Variants in LETMD1 observed in about 807,000 individuals in gnomAD.
The protein encoded by LETMD1 is LETM1 domain containing 1.
In LETMD1, 30 loss-of-function variants were observed where a neutral mutation model predicts 43.9. That is an observed-to-expected ratio of 0.68 (90% CI 0.51 to 0.93). The LOEUF (loss-of-function observed/expected upper bound fraction) is 0.93. Ranked by LOEUF, LETMD1 falls within the 40% of genes least tolerant of loss-of-function variation. The pLI is 0.00. For missense variants in LETMD1, 413 were observed against 447.7 expected (o/e 0.92, Z 0.70); for synonymous variants, 176 against 163.1 (o/e 1.08, Z -0.60).
intron 7 of LETMD1, 199 bp downstream of exon 7, chr12:51,056,701 C>T (rs1947842770): frequency 8.7e-6 from 4 of 457,678 alleles, no homozygotes; most frequent in Non-Finnish European, 1.5e-5. Context: ...GTTGCCCAGG[C>T]TAGAGTACAG....
chr12:51,068,586 C>G, the LETMD1 span, among the ~76,000 whole-genome samples: 1 of 152,196 alleles, frequency 6.6e-6, no homozygotes, highest in East Asian at 1.9e-4. Flanking sequence ...AAAAACCCGT[C>G]TCATCTTCCC....
At chr12:51,063,112 G>C (rs951333157), downstream of LETMD1, 1 of 152,182 alleles carries the variant, frequency 6.6e-6, no homozygotes, top group South Asian at 2.1e-4. Flanking sequence ...TCAAGTTACA[G>C]ACCAGGAATC....
downstream of LETMD1, among the ~76,000 whole-genome samples, chr12:51,060,764 T>C (rs1948787768): frequency 6.6e-6 from 1 of 151,788 alleles, no homozygotes; most frequent in Non-Finnish European, 1.5e-5. Flanking sequence ...TAGCCAGGCG[T>C]GGTGGTGGGC....
downstream of LETMD1, chr12:51,064,134 C>T (rs778310222): frequency 8.7e-6 from 14 of 1,614,186 alleles, no homozygotes; most frequent in South Asian, 1.5e-4. Context: ...GACCAGGGGC[C>T]CACTGTTCAA....
chr12:51,052,382 A>G, intron 3 of LETMD1, 175 bp downstream of exon 3: 3 of 691,576 alleles, frequency 4.3e-6, no homozygotes, highest in Non-Finnish European at 7.0e-6. Context: ...AATTGGGTTC[A>G]TCCAGAGTTG....
rs779415368 is a variant in LETMD1 at position 51,052,156 on chromosome 12, C to A, written c.339C>A (p.His113Gln). 6.8e-6 allele frequency: 11 copies of A among 1,613,738 alleles called. No homozygotes were observed. The Middle Eastern group carries it at 4.9e-4, about 73-fold the overall frequency. Reference sequence around the variant, plus strand: ...GAATAAAGACAAATATGTGGAAGCACAATATAAAGTTTCATCAACTTCCAT... The same window carrying A: ...GAATAAAGACAAATATGTGGAAGCAAAATATAAAGTTTCATCAACTTCCAT... ...ARRIKTNMWK[H>Q]NIKFHQLPYR... The change falls in exon 3 of 9, where the codon CAC (histidine) becomes CAA (glutamine). Residue 113 changes from histidine to glutamine, a missense_variant. Physicochemically the swap from His to Gln is conservative, Grantham distance 24. Transcript: ENST00000262055.
At chr12:51,066,183 G>T in the LETMD1 span, among the ~76,000 whole-genome samples, 1 of 152,090 alleles carries the variant, frequency 6.6e-6, no homozygotes, top group Non-Finnish European at 1.5e-5. Context: ...GGCCAGGTGC[G>T]GTGGCTCACG....
the LETMD1 span, chr12:51,067,540 G>A: frequency 5.1e-6 from 4 of 790,738 alleles, no homozygotes; most frequent in South Asian, 5.2e-5. This position sits in a 1 kb window ranked among gnomAD's most constrained non-coding sequence, Gnocchi z 4.1. Flanking sequence ...GACGGAGGAG[G>A]GTTGTGGAAC....
In LETMD1 at chr12:51,048,484, G is replaced by A. The variant is rs1180873114; in HGVS notation, c.122+6G>A. On this transcript the variant is annotated splice_donor_region_variant and intron_variant, in intron 1 of 8. Coordinates refer to ENST00000262055, the MANE Select transcript of LETMD1 (RefSeq NM_015416.5). ...CTGGCTTGGGGGGCCCCTCGGTGAG[G>A]GACCTGTAGCGAGAAAAGCATTTTT... 6.2e-7 allele frequency: 1 copy of A among 1,612,678 alleles called. No homozygotes were observed. The highest frequency in any genetic ancestry group is 1.3e-5 in the African/African-American group (1 of 74,896).
In LETMD1 at chr12:51,053,129, G is replaced by T. The variant is rs1317370254; in HGVS notation, c.391-649G>T. 2.0e-5 allele frequency among the ~76,000 whole-genome samples: 3 copies of T among 151,524 alleles called. No homozygotes were observed. The East Asian group carries it at 5.9e-4, about 30-fold the overall frequency. ...CTCTGTCTCAAAAAAAAAAAAGTCT[G>T]CAAGGATCCAAAGGGCAGCATGAAA... is the stretch of plus-strand genomic sequence containing the variant. On this transcript the variant is annotated intron_variant, in intron 3 of 8. Transcript: ENST00000262055.
chr12:51,053,154 A>T (rs953430379), intron 3 of LETMD1, among the ~76,000 whole-genome samples: 3 of 151,964 alleles, frequency 2.0e-5, no homozygotes, highest in Non-Finnish European at 4.4e-5. Context: ...GCAGCATGAA[A>T]GTAGTATTTG....
chr12:51,057,809 T>C (rs1398163699), intron 7 of LETMD1: 1 of 520,756 alleles, frequency 1.9e-6, no homozygotes, highest in African/African-American at 1.9e-5. Flanking sequence ...TATTTTTTAG[T>C]AGAGATGGTG....
chr12:51,053,663 T>C (rs1347236830), intron 3 of LETMD1, 115 bp from the exon 4 acceptor site: 7 of 685,576 alleles, frequency 1.0e-5, no homozygotes, highest in Non-Finnish European at 5.1e-6. Flanking sequence ...AGAAAGAAAT[T>C]TGGTCCTTTT....
At chr12:51,055,665 TAAA>T (rs56285797) in intron 4 of LETMD1, 167 bp from the exon 5 acceptor site, 1,744 of 149,806 alleles carry the variant, frequency 0.012, no homozygotes, top group East Asian at 0.038. Flanking sequence ...CCCTGTCTCT[TAAA>T]AAAAAAAAAA....
intron 7 of LETMD1, 59 bp from the exon 8 acceptor site, chr12:51,057,973 T>C (rs746543369): frequency 1.8e-6 from 2 of 1,113,822 alleles, no homozygotes; most frequent in East Asian, 2.3e-5. Flanking sequence ...TGGATTTCCA[T>C]TTCCTTGGCA....
chr12:51,060,590 A>C (rs12318042), downstream of LETMD1, among the ~76,000 whole-genome samples: 17 of 152,288 alleles, frequency 1.1e-4, no homozygotes, highest in African/African-American at 4.1e-4. Flanking sequence ...GATAACAAGG[A>C]AAAGAGAATT....
chr12:51,048,907 C>T (rs1945129953), intron 1 of LETMD1, 127 bp from the exon 2 acceptor site: 3 of 904,556 alleles, frequency 3.3e-6, no homozygotes, highest in South Asian at 3.5e-5. Context: ...CCAAGACCTT[C>T]CTTGGATTTC....
chr12:51,064,213 A>G (rs1334302540), downstream of LETMD1: 2 of 1,613,830 alleles, frequency 1.2e-6, no homozygotes, highest in East Asian at 2.2e-5. Context: ...AGGACAGAGG[A>G]GCCTGGGGGC....
intron 3 of LETMD1, among the ~76,000 whole-genome samples, chr12:51,053,369 T>A (rs1265221570): frequency 6.6e-6 from 1 of 152,108 alleles, no homozygotes; most frequent in Non-Finnish European, 1.5e-5. Flanking sequence ...GGGGACCACA[T>A]GCAGTGCTCA....
Sources: allele counts gnomAD v4.1 joint callset (sites outside exome capture counted in the v4.1 genomes callset), GRCh38; gene constraint gnomAD v4.1.1; non-coding constraint Gnocchi (gnomAD v3.1); transcripts MANE v1.5; gene names NCBI Gene and HGNC (gene_info 2026-07-23, HGNC 2026-07-21).